Variants in PDE8A observed in about 807,000 individuals in gnomAD.
PDE8A encodes phosphodiesterase 8A.
In PDE8A, 59 loss-of-function variants were observed where a neutral mutation model predicts 105.0. That is an observed-to-expected ratio of 0.56 (90% CI 0.46 to 0.70). The LOEUF (loss-of-function observed/expected upper bound fraction) is 0.70. Among genes scored for constraint, PDE8A ranks in the 30% least tolerant of loss-of-function variants. PDE8A has a pLI of 0.00. For synonymous variants in PDE8A, 355 were observed against 371.9 expected (o/e 0.95, Z 0.52); for missense variants, 1,014 against 1,045.9 (o/e 0.97, Z 0.42).
At chr15:84,993,268 C>A (rs1372259366) in intron 1 of PDE8A, among the ~76,000 whole-genome samples, 1 of 150,800 alleles carries the variant, frequency 6.6e-6, no homozygotes, top group Non-Finnish European at 1.5e-5. Flanking sequence ...ACGGTGAAAC[C>A]CCGTCTCTTC....
At chr15:85,058,980 T>C (rs1052981349) in intron 1 of PDE8A, among the ~76,000 whole-genome samples, 1 of 152,204 alleles carries the variant, frequency 6.6e-6, no homozygotes, top group Non-Finnish European at 1.5e-5. Context: ...TAAAGTTATG[T>C]TGTTGATTTG....
chr15:84,981,090 G>A (rs959728064), upstream of PDE8A, among the ~76,000 whole-genome samples: 1 of 152,228 alleles, frequency 6.6e-6, no homozygotes, highest in Non-Finnish European at 1.5e-5. Context: ...CACACTTGGT[G>A]ACCCCACCGA....
chr15:85,024,443 G>A (rs2080479543), intron 1 of PDE8A, among the ~76,000 whole-genome samples: 1 of 152,112 alleles, frequency 6.6e-6, no homozygotes, highest in African/African-American at 2.4e-5. Context: ...GAAGTTACAA[G>A]CCCCTTTCTT....
In PDE8A at chr15:85,006,266, TTATAA is replaced by T. The variant is rs1316941212; in HGVS notation, c.186+23921_186+23925del. ...TACCCTAAAACTTAAAGTATTATTA[TTATAA>T]TAATAATAATAAAAGAAAGTATTCT... is the stretch of plus-strand genomic sequence containing the variant. On this transcript the variant is annotated intron_variant, in intron 1 of 21. Transcript: ENST00000394553. 2.0e-5 allele frequency among the ~76,000 whole-genome samples: 3 copies of T among 151,928 alleles called. No homozygotes were observed. In the East Asian group the frequency reaches 5.8e-4, roughly 29 times the overall value.
chr15:85,064,557 G>C, intron 2 of PDE8A, 131 bp downstream of exon 2: 1 of 637,796 alleles, frequency 1.6e-6, no homozygotes, highest in Non-Finnish European at 2.8e-6. Context: ...TAAATTCCCT[G>C]AACTCTGTAA....
At chr15:85,077,752 G>T (rs952095409) in intron 5 of PDE8A, among the ~76,000 whole-genome samples, 1 of 152,086 alleles carries the variant, frequency 6.6e-6, no homozygotes, top group East Asian at 1.9e-4. Flanking sequence ...TATAGGTAAA[G>T]AAATAAAAGA....
chr15:85,111,447 C>G (rs4842866), intron 12 of PDE8A, among the ~76,000 whole-genome samples: 84,016 of 151,892 alleles, frequency 0.55, 24,624 homozygotes, highest in African/African-American at 0.77. Context: ...AAATCCAACT[C>G]GTCTATCACC....
rs200682391 is a variant in PDE8A at position 85,120,781 on chromosome 15, G to A, written c.1735-16G>A. 3.7e-5 allele frequency: 58 copies of A among 1,561,472 alleles called. No homozygotes were observed. In the African/African-American group the frequency reaches 7.9e-4, roughly 21 times the overall value. ...CAGTGTCATACCCCAGTTTTTAAAAGCTCTCTTGTTTTCAGGAAACTTTAG... is the reference window on the plus strand; with the variant it reads ...CAGTGTCATACCCCAGTTTTTAAAAACTCTCTTGTTTTCAGGAAACTTTAG... On this transcript the variant is annotated splice_polypyrimidine_tract_variant and intron_variant, in intron 17 of 21. Coordinates refer to ENST00000394553, the MANE Select transcript of PDE8A (RefSeq NM_002605.3).
rs1163723286 is a variant in PDE8A, at chr15:85,067,064, G to A, written c.294G>A (p.Arg98=). The change falls in exon 3 of 22, where the codon AGG becomes AGA. Residue 98 remains arginine, a synonymous_variant. Transcript: ENST00000394553. ...ATAACCAATGTAATGGATTCTGCAG[G>A]GCATGTGAAAAAGCAGGGTTTAAGT... is the stretch of plus-strand genomic sequence containing the variant. ...KEDNQCNGFC[R]ACEKAGFKCT... 27 of 1,613,412 alleles carry A rather than the reference G, an allele frequency of 1.7e-5. No homozygotes were observed. Among genetic ancestry groups the A allele is most frequent in the Non-Finnish European group, 2.1e-5 (25 of 1,179,596 alleles).
intron 1 of PDE8A, among the ~76,000 whole-genome samples, chr15:85,058,867 T>C (rs984406938): frequency 2.0e-5 from 3 of 152,186 alleles, no homozygotes; most frequent in Non-Finnish European, 4.4e-5. Flanking sequence ...TTCCTTGATT[T>C]TTCTGTATTA....
At chr15:84,987,895 G>A (rs955265225) in intron 1 of PDE8A, among the ~76,000 whole-genome samples, 2 of 152,032 alleles carry the variant, frequency 1.3e-5, no homozygotes, top group African/African-American at 4.8e-5. Flanking sequence ...AAGAACAGAG[G>A]GATAAGTACT....
chr15:85,072,989 C>CT (rs2081334099), intron 3 of PDE8A, among the ~76,000 whole-genome samples: 1 of 152,060 alleles, frequency 6.6e-6, no homozygotes, highest in Non-Finnish European at 1.5e-5. Context: ...TGGCACTTGC[C>CT]TGTAGTCCCA....
At chr15:85,067,290 C>T (rs1048165255) in intron 3 of PDE8A, 86 bp downstream of exon 3, 1 of 965,638 alleles carries the variant, frequency 1.0e-6, no homozygotes, top group Non-Finnish European at 1.5e-6. Flanking sequence ...TAGACTCACT[C>T]TCTTTTAAGT....
At chr15:85,028,211 A>G (rs1306470850) in intron 1 of PDE8A, among the ~76,000 whole-genome samples, 1 of 152,070 alleles carries the variant, frequency 6.6e-6, no homozygotes, top group African/African-American at 2.4e-5. Context: ...GCATGAACCT[A>G]TTTTATTTAT....
chr15:85,031,674 GAAT>G (rs1370560964), intron 1 of PDE8A, among the ~76,000 whole-genome samples: 1 of 152,022 alleles, frequency 6.6e-6, no homozygotes, highest in African/African-American at 2.4e-5. Context: ...CTATAATTAG[GAAT>G]AATAATAACA....
intron 1 of PDE8A, among the ~76,000 whole-genome samples, chr15:85,058,689 A>G (rs1350422155): frequency 2.0e-5 from 3 of 152,286 alleles, no homozygotes; most frequent in South Asian, 4.1e-4. Flanking sequence ...TTGTTGGTGT[A>G]TAAGTGTTAA....
chr15:85,137,151 G>T (rs1038159983), intron 21 of PDE8A, among the ~76,000 whole-genome samples: 2 of 152,200 alleles, frequency 1.3e-5, no homozygotes, highest in Non-Finnish European at 2.9e-5. Flanking sequence ...CGTCCTGAGG[G>T]CTGCACCTTG....
intron 1 of PDE8A, among the ~76,000 whole-genome samples, chr15:85,035,547 C>T (rs1202610185): frequency 6.6e-6 from 1 of 152,082 alleles, no homozygotes; most frequent in African/African-American, 2.4e-5. Context: ...TTTTTCCACT[C>T]AGCCAACTAT....
intron 1 of PDE8A, among the ~76,000 whole-genome samples, chr15:85,041,516 A>G (rs1596466886): frequency 6.6e-6 from 1 of 152,312 alleles, no homozygotes; most frequent in East Asian, 1.9e-4. Flanking sequence ...ATGTTTATGC[A>G]CTTATGACTA....
Sources: gnomAD v4.1 joint callset for allele counts (sites outside exome capture counted in the v4.1 genomes callset) on GRCh38, gnomAD v4.1.1 for gene constraint, MANE v1.5 for transcripts, NCBI Gene and HGNC (gene_info 2026-07-23, HGNC 2026-07-21) for gene names.